LUZP2: variants seen among roughly 807,000 people sequenced by gnomAD.
LUZP2 encodes leucine zipper protein 2.
In LUZP2, 52 loss-of-function variants were observed where a neutral mutation model predicts 51.6. The observed-to-expected ratio is 1.01, with a 90% CI of 0.81 to 1.27. The LOEUF (loss-of-function observed/expected upper bound fraction) is 1.27. Ranked by LOEUF, LUZP2 falls within the 50% of genes most tolerant of loss-of-function variation. The pLI is 0.00. For synonymous variants in LUZP2, 154 were observed against 137.3 expected (o/e 1.12, Z -0.85); for missense variants, 436 against 395.4 (o/e 1.10, Z -0.87).
chr11:24,758,648 C>A (rs913048193), intron 4 of LUZP2, among the ~76,000 whole-genome samples: 1 of 151,956 alleles, frequency 6.6e-6, no homozygotes, highest in Non-Finnish European at 1.5e-5. Context: ...ATCACTGATG[C>A]TCTCTCTCAA....
chr11:25,014,053 T>A (rs1250088257), intron 9 of LUZP2, among the ~76,000 whole-genome samples: 1 of 152,188 alleles, frequency 6.6e-6, no homozygotes, highest in Non-Finnish European at 1.5e-5. Context: ...TCCAGCTTCA[T>A]CCATGTCCCT....
chr11:24,552,584 A>C (rs1851752188), intron 1 of LUZP2, among the ~76,000 whole-genome samples: 3 of 152,046 alleles, frequency 2.0e-5, no homozygotes, highest in Admixed American at 1.3e-4. Flanking sequence ...AATAAACTAT[A>C]AGAACTACTA....
chr11:24,626,572 A>T (rs990559590), intron 1 of LUZP2, among the ~76,000 whole-genome samples: 4 of 152,166 alleles, frequency 2.6e-5, no homozygotes, highest in African/African-American at 9.7e-5. Flanking sequence ...ATGAGATGGG[A>T]GACCAGAAAT....
chr11:24,732,744 A>G (rs1858758566), intron 3 of LUZP2, among the ~76,000 whole-genome samples: 1 of 151,744 alleles, frequency 6.6e-6, no homozygotes, highest in African/African-American at 2.4e-5. Context: ...CCAAGCCAAA[A>G]AAAGAAAAAC....
At chr11:24,523,506 A>T (rs930368832) in intron 1 of LUZP2, among the ~76,000 whole-genome samples, 2 of 150,758 alleles carry the variant, frequency 1.3e-5, no homozygotes, top group African/African-American at 2.4e-5. Context: ...TACAAAAAAA[A>T]GAATACTTCG....
chr11:24,704,876 C>T (rs114980320), intron 1 of LUZP2, among the ~76,000 whole-genome samples: 1 of 152,076 alleles, frequency 6.6e-6, no homozygotes, highest in African/African-American at 2.4e-5. Context: ...TCTTCAAATA[C>T]ATTAAACTTG....
intron 5 of LUZP2, among the ~76,000 whole-genome samples, chr11:24,880,015 G>A (rs1461360329): frequency 6.6e-6 from 1 of 152,142 alleles, no homozygotes; most frequent in African/African-American, 2.4e-5. Context: ...GCCCAGCTCA[G>A]CAATAGGGCT....
intron 1 of LUZP2, among the ~76,000 whole-genome samples, chr11:24,537,531 G>A (rs892612807): frequency 4.6e-5 from 7 of 151,872 alleles, no homozygotes; most frequent in South Asian, 4.1e-4. Flanking sequence ...TAAAATGTAC[G>A]TGCTATATTT....
At chr11:24,684,271 A>G (rs1856831815) in intron 1 of LUZP2, among the ~76,000 whole-genome samples, 1 of 152,120 alleles carries the variant, frequency 6.6e-6, no homozygotes, top group Non-Finnish European at 1.5e-5. Context: ...CTAATTGCCC[A>G]TAGGAAAAAA....
chr11:24,815,441 G>T (rs1263209125), intron 5 of LUZP2, among the ~76,000 whole-genome samples: 2 of 152,122 alleles, frequency 1.3e-5, no homozygotes, highest in Admixed American at 1.3e-4. Flanking sequence ...CTATGGAATT[G>T]GATGTTTTGA....
rs925714831 is a variant in LUZP2, at chr11:24,927,242, T to C, written c.522+12704T>C. Among the ~76,000 whole-genome samples, 9 of 152,260 alleles carry C rather than the reference T, an allele frequency of 5.9e-5. No individual in the cohort carries two copies. The East Asian group carries it at 1.7e-3, about 29-fold the overall frequency. ...TATTTGCTGATTGTTTCTTTTGCTG[T>C]GCTGAAGCTTTTTATTTGAATTAAG... is the stretch of plus-strand genomic sequence containing the variant. On this transcript the variant is annotated intron_variant, in intron 7 of 11. Coordinates refer to ENST00000336930, the MANE Select transcript of LUZP2 (RefSeq NM_001009909.4).
chr11:24,874,484 A>G (rs889469589), intron 5 of LUZP2, among the ~76,000 whole-genome samples: 10 of 152,232 alleles, frequency 6.6e-5, no homozygotes, highest in African/African-American at 2.2e-4. Flanking sequence ...TGATTATATA[A>G]TGCACAGGAC....
intron 1 of LUZP2, among the ~76,000 whole-genome samples, chr11:24,716,946 A>G (rs1283476422): frequency 6.6e-6 from 1 of 152,150 alleles, no homozygotes; most frequent in East Asian, 1.9e-4. Flanking sequence ...AAAAATGAAG[A>G]AGTACATGCT....
At chr11:24,729,399 G>A in intron 2 of LUZP2, 113 bp downstream of exon 2, 1 of 535,442 alleles carries the variant, frequency 1.9e-6, no homozygotes, top group Non-Finnish European at 3.3e-6. Flanking sequence ...GCTTGACCAT[G>A]GTGGTTGTTA....
chr11:24,769,945 A>G (rs1049359749), intron 5 of LUZP2, among the ~76,000 whole-genome samples: 10 of 152,056 alleles, frequency 6.6e-5, no homozygotes, highest in African/African-American at 2.4e-4. Flanking sequence ...GACATGCACC[A>G]GCACCCCCGG....
intron 7 of LUZP2, among the ~76,000 whole-genome samples, chr11:24,939,949 G>A (rs1176518169): frequency 6.6e-6 from 1 of 152,040 alleles, no homozygotes; most frequent in African/African-American, 2.4e-5. Flanking sequence ...CAGCCAATGA[G>A]GGCTGGCCAG....
At chr11:24,506,129 G>A (rs920944583) in intron 1 of LUZP2, among the ~76,000 whole-genome samples, 3 of 152,048 alleles carry the variant, frequency 2.0e-5, no homozygotes, top group African/African-American at 2.4e-5. Flanking sequence ...ATGACCTGCA[G>A]AGAATGGTCC....
intron 5 of LUZP2, among the ~76,000 whole-genome samples, chr11:24,803,727 T>A (rs1849765101): frequency 6.6e-6 from 1 of 152,116 alleles, no homozygotes; most frequent in African/African-American, 2.4e-5. Flanking sequence ...AAGCCAGTTA[T>A]GAAAAGACAA....
chr11:24,633,625 T>C (rs1432227327), intron 1 of LUZP2, among the ~76,000 whole-genome samples: 1 of 151,968 alleles, frequency 6.6e-6, no homozygotes, highest in African/African-American at 2.4e-5. Flanking sequence ...GAATAAAATA[T>C]GTTTAAAATA....
Sources: allele counts gnomAD v4.1 joint callset (sites outside exome capture counted in the v4.1 genomes callset), GRCh38; gene constraint gnomAD v4.1.1; transcripts MANE v1.5; gene names NCBI Gene and HGNC (gene_info 2026-07-23, HGNC 2026-07-21).